Variants in MAP2 observed in about 807,000 individuals in gnomAD.
MAP2 encodes the protein microtubule associated protein 2.
Under a neutral mutation model 137.6 loss-of-function variants are expected in MAP2, and 14 were observed. That is an observed-to-expected ratio of 0.10 (90% CI 0.07 to 0.16). MAP2 has a LOEUF of 0.16. MAP2 is among the 10% of genes least tolerant of loss of function. The pLI, the probability that MAP2 is intolerant of heterozygous loss-of-function variation, is 1.00. For missense variants in MAP2, 2,088 were observed against 2,191.5 expected (o/e 0.95, Z 0.94); for synonymous variants, 786 against 782.3 (o/e 1.00, Z -0.08).
intron 2 of MAP2, among the ~76,000 whole-genome samples, chr2:209,546,330 A>G (rs768296189): frequency 1.3e-5 from 2 of 152,140 alleles, no homozygotes; most frequent in African/African-American, 4.8e-5. Flanking sequence ...TTTATATGCA[A>G]TGACACAAAT....
Position 209,696,153 on chromosome 2 carries a change from A to AGTTTGAAGT in MAP2, c.3983_3984insGTTTGAAGT (p.Glu1328_Glu1329insPheGluVal), listed in dbSNP as rs1198030668. 1.9e-6 allele frequency: 3 copies of AGTTTGAAGT among 1,612,760 alleles called. No individual in the cohort carries two copies. The Admixed American group carries it at 5.0e-5, about 27-fold the overall frequency. The stretch of plus-strand genomic sequence containing the variant: ...GAAAGGAGACCATCTCCTCATGATG[A>AGTTTGAAGT]AGAAGAGTTTGAAGTAGAAGAGGCA... On this transcript the variant is annotated inframe_insertion, in exon 8 of 16. Transcript: ENST00000682079.
At chr2:209,589,405 C>G (rs1354715039) in intron 3 of MAP2, among the ~76,000 whole-genome samples, 10 of 152,164 alleles carry the variant, frequency 6.6e-5, no homozygotes, top group Admixed American at 3.9e-4. Context: ...TTACTTCCTA[C>G]TACTATGAAG....
intron 5 of MAP2, among the ~76,000 whole-genome samples, chr2:209,671,945 A>C (rs939029844): frequency 2.0e-5 from 3 of 150,792 alleles, no homozygotes; most frequent in Non-Finnish European, 2.9e-5. Flanking sequence ...TGAAACTTCC[A>C]GGATCATTGA....
chr2:209,596,786 G>C (rs1290854718), intron 3 of MAP2, among the ~76,000 whole-genome samples: 2 of 152,170 alleles, frequency 1.3e-5, no homozygotes, highest in Admixed American at 1.3e-4. Flanking sequence ...AGTTCATTTT[G>C]ATGTGTTTTA....
intron 11 of MAP2, among the ~76,000 whole-genome samples, chr2:209,700,713 G>A (rs2061535590): frequency 6.6e-6 from 1 of 152,042 alleles, no homozygotes; most frequent in Non-Finnish European, 1.5e-5. Context: ...TTACAAAATA[G>A]AAATATGACC....
rs767611221 is a variant in MAP2 at position 209,694,884 on chromosome 2, G to A, written c.2714G>A (p.Arg905Gln). ...TFYEGTDDKV[R>Q]RDLATDLSLI... ...TACGAAGGCACTGATGATAAAGTTCGAAGAGATTTGGCCACAGACCTTTCA... is the reference window on the plus strand; with the variant it reads ...TACGAAGGCACTGATGATAAAGTTCAAAGAGATTTGGCCACAGACCTTTCA... The change falls in exon 8 of 16, where the codon CGA (arginine) becomes CAA (glutamine). Residue 905 changes from arginine (R) to glutamine (Q), a missense_variant. Coordinates refer to ENST00000682079, the MANE Select transcript of MAP2 (RefSeq NM_001375505.1). 1.6e-5 allele frequency: 26 copies of A among 1,614,168 alleles called. No individual in the cohort carries two copies. The highest frequency in any genetic ancestry group is 8.8e-5 in the South Asian group (8 of 91,080).
chr2:209,533,365 G>A (rs1037816096), intron 2 of MAP2, among the ~76,000 whole-genome samples: 2 of 152,224 alleles, frequency 1.3e-5, no homozygotes, highest in African/African-American at 4.8e-5. Flanking sequence ...GGCTGGTCTC[G>A]AATTCCTGAC....
intron 2 of MAP2, among the ~76,000 whole-genome samples, chr2:209,517,684 A>G (rs774479768): frequency 6.6e-6 from 1 of 152,028 alleles, no homozygotes. Flanking sequence ...TATTCAAACA[A>G]TGTACCATTA....
chr2:209,557,781 C>T (rs1331064751), intron 2 of MAP2, among the ~76,000 whole-genome samples: 2 of 152,128 alleles, frequency 1.3e-5, no homozygotes, highest in African/African-American at 4.8e-5. Flanking sequence ...GGCTCAAGTC[C>T]ATGAGCAGTG....
intron 3 of MAP2, among the ~76,000 whole-genome samples, chr2:209,597,067 T>A (rs2153450384): frequency 6.6e-6 from 1 of 152,324 alleles, no homozygotes; most frequent in Non-Finnish European, 1.5e-5. Flanking sequence ...TTGTGTGAAA[T>A]GTGTATCAGC....
chr2:209,730,179 C>T lies in MAP2; in HGVS notation c.5269-3C>T, dbSNP rs2075581867. The stretch of plus-strand genomic sequence containing the variant: ...AACGAGGACTGATGCTTGTCTTAAA[C>T]AGATTGACAGCCAAAAGTTGAACTT... On this transcript the variant is annotated splice_region_variant and splice_polypyrimidine_tract_variant and intron_variant, in intron 15 of 15. Coordinates refer to ENST00000682079, the MANE Select transcript of MAP2 (RefSeq NM_001375505.1). 1 of 1,613,138 alleles carries T rather than the reference C, an allele frequency of 6.2e-7. No individual in the cohort carries two copies.
chr2:209,702,726 T>G (rs1239531795), intron 11 of MAP2, among the ~76,000 whole-genome samples: 2 of 152,072 alleles, frequency 1.3e-5, no homozygotes, highest in Non-Finnish European at 2.9e-5. Flanking sequence ...TTCACTCTTT[T>G]GTGGGTAGGA....
chr2:209,458,625 T>A (rs1453479609), intron 1 of MAP2, among the ~76,000 whole-genome samples: 2 of 152,096 alleles, frequency 1.3e-5, no homozygotes, highest in African/African-American at 4.8e-5. Context: ...TTAGGGAAAG[T>A]GAAGATATTT....
chr2:209,706,480 A>G (rs189676322), intron 12 of MAP2, among the ~76,000 whole-genome samples: 16 of 152,020 alleles, frequency 1.1e-4, no homozygotes, highest in African/African-American at 3.9e-4. Context: ...ATAATTAATA[A>G]ACTCAATTCA....
chr2:209,597,108 A>T (rs1329187280), intron 3 of MAP2, among the ~76,000 whole-genome samples: 2 of 152,136 alleles, frequency 1.3e-5, no homozygotes, highest in Non-Finnish European at 2.9e-5. Context: ...GCTCTTTGCC[A>T]CTTCTTCCTC....
chr2:209,465,606 C>T (rs1366216010), intron 1 of MAP2, among the ~76,000 whole-genome samples: 1 of 152,132 alleles, frequency 6.6e-6, no homozygotes, highest in East Asian at 1.9e-4. Context: ...TCAGTAGTCT[C>T]AGTTATTACA....
chr2:209,529,333 A>G (rs1476789428), intron 2 of MAP2, among the ~76,000 whole-genome samples: 2 of 152,196 alleles, frequency 1.3e-5, no homozygotes, highest in African/African-American at 2.4e-5. Flanking sequence ...AAACCGACTT[A>G]TAGTTAATGC....
chr2:209,703,093 G>A (rs1044291419), intron 11 of MAP2, among the ~76,000 whole-genome samples: 3 of 152,058 alleles, frequency 2.0e-5, no homozygotes, highest in East Asian at 3.9e-4. Context: ...AAATTAAGTC[G>A]TGATTTTTAT....
At chr2:209,679,258 G>T (rs1559541049) in intron 6 of MAP2, among the ~76,000 whole-genome samples, 1 of 151,928 alleles carries the variant, frequency 6.6e-6, no homozygotes, top group Non-Finnish European at 1.5e-5. Flanking sequence ...TCCATGCCAA[G>T]CAAGTCATTT....
Sources: allele counts gnomAD v4.1 joint callset (sites outside exome capture counted in the v4.1 genomes callset), GRCh38; gene constraint gnomAD v4.1.1; transcripts MANE v1.5; gene names NCBI Gene and HGNC (gene_info 2026-07-23, HGNC 2026-07-21).